The following HCN1 variants were observed in gnomAD, a reference collection of about 807,000 sequenced individuals.
The protein encoded by HCN1 is potassium/sodium hyperpolarization-activated cyclic nucleotide-gated channel 1.
Under a neutral mutation model 78.9 loss-of-function variants are expected in HCN1, and 13 were observed. The ratio of observed to expected loss-of-function variants is 0.16; its 90% CI spans 0.11 to 0.26. The LOEUF (loss-of-function observed/expected upper bound fraction) is 0.26, where lower values mean the gene tolerates loss of function less well. Ranked by LOEUF, HCN1 falls within the 10% of genes least tolerant of loss-of-function variation. The probability of loss-of-function intolerance (pLI) is 1.00; values close to 1 mark genes in which losing one functional copy is unlikely to be tolerated. For synonymous variants in HCN1, 552 were observed against 455.5 expected (o/e 1.21, Z -2.70); for missense variants, 810 against 1,154.3 (o/e 0.70, Z 4.32).
intron 6 of HCN1, among the ~76,000 whole-genome samples, chr5:45,275,205 C>T (rs1327510193): frequency 6.7e-6 from 1 of 150,138 alleles, no homozygotes; most frequent in Non-Finnish European, 1.5e-5. Flanking sequence ...GAGATCGTGC[C>T]ACTGCACTAC....
rs185513672 is a variant in HCN1, at chr5:45,593,096, A to C, written c.849+52089T>G. 1.7e-3 allele frequency among the ~76,000 whole-genome samples: 260 copies of C among 152,238 alleles called. 1 individual carries two copies. Among genetic ancestry groups the C allele is most frequent in the African/African-American group, 6.0e-3 (251 of 41,534 alleles). ...GAAATTACAAATCCCTTCCTCTCTA[A>C]ATCATTTGGGTCACCAAACAAAAAT... On this transcript the variant is annotated intron_variant, in intron 2 of 7. Coordinates refer to ENST00000303230, the MANE Select transcript of HCN1 (RefSeq NM_021072.4).
chr5:45,378,495 A>G (rs1747736187), intron 4 of HCN1, among the ~76,000 whole-genome samples: 1 of 152,022 alleles, frequency 6.6e-6, no homozygotes, highest in Admixed American at 6.6e-5. Flanking sequence ...TATATTCTCT[A>G]CCTCTAACTG....
chr5:45,667,758 T>C (rs780747874), intron 1 of HCN1, among the ~76,000 whole-genome samples: 3 of 151,948 alleles, frequency 2.0e-5, no homozygotes, highest in Non-Finnish European at 2.9e-5. Context: ...TCTCTTGTTA[T>C]GTTTCAACTT....
chr5:45,686,276 G>A (rs534597726), intron 1 of HCN1, among the ~76,000 whole-genome samples: 2 of 151,504 alleles, frequency 1.3e-5, no homozygotes, highest in African/African-American at 4.8e-5. Flanking sequence ...GGATTATAAG[G>A]AGAACATATA....
chr5:45,671,615 C>A (rs927867397), intron 1 of HCN1, among the ~76,000 whole-genome samples: 1 of 150,968 alleles, frequency 6.6e-6, no homozygotes, highest in African/African-American at 2.4e-5. Flanking sequence ...GACTAGCAGT[C>A]CTTTGATGAT....
chr5:45,660,447 A>AT (rs1745906438), intron 1 of HCN1, among the ~76,000 whole-genome samples: 2 of 139,286 alleles, frequency 1.4e-5, no homozygotes, highest in Non-Finnish European at 1.5e-5. Flanking sequence ...AAATTCACAC[A>AT]TAACAATATT....
At chr5:45,458,316 G>A (rs947378166) in intron 3 of HCN1, among the ~76,000 whole-genome samples, 7 of 151,800 alleles carry the variant, frequency 4.6e-5, no homozygotes, top group African/African-American at 1.7e-4. Flanking sequence ...CAATGAAGAA[G>A]AATAAACATA....
chr5:45,464,839 A>C (rs1000141019), intron 2 of HCN1, among the ~76,000 whole-genome samples: 2 of 152,138 alleles, frequency 1.3e-5, no homozygotes, highest in Non-Finnish European at 2.9e-5. Flanking sequence ...TTGGAATGAG[A>C]AGGCTACTTC....
At chr5:45,424,372 G>A (rs992408983) in intron 3 of HCN1, among the ~76,000 whole-genome samples, 9 of 151,848 alleles carry the variant, frequency 5.9e-5, no homozygotes, top group Admixed American at 3.3e-4. Context: ...CCTAAGAATC[G>A]TGTCAACATA....
chr5:45,569,739 T>C (rs1743786039), intron 2 of HCN1, among the ~76,000 whole-genome samples: 1 of 152,080 alleles, frequency 6.6e-6, no homozygotes, highest in Non-Finnish European at 1.5e-5. Context: ...AAAGTCTTAA[T>C]ATAGTTTAAA....
intron 4 of HCN1, among the ~76,000 whole-genome samples, chr5:45,379,134 A>C (rs1483989356): frequency 1.3e-5 from 2 of 152,062 alleles, no homozygotes; most frequent in African/African-American, 4.8e-5. Context: ...TGGGTATATA[A>C]CCAATAATGG....
chr5:45,474,206 C>A (rs1741467865), intron 2 of HCN1, among the ~76,000 whole-genome samples: 1 of 151,818 alleles, frequency 6.6e-6, no homozygotes, highest in South Asian at 2.1e-4. Flanking sequence ...CTAAAACCCA[C>A]AATCAAGTCA....
At chr5:45,483,967 G>A (rs1256841741) in intron 2 of HCN1, among the ~76,000 whole-genome samples, 1 of 152,038 alleles carries the variant, frequency 6.6e-6, no homozygotes, top group Admixed American at 6.6e-5. Context: ...ATTCTGTTCT[G>A]TTGGTCTATG....
At chr5:45,585,968 G>A (rs1434945218) in intron 2 of HCN1, among the ~76,000 whole-genome samples, 1 of 152,190 alleles carries the variant, frequency 6.6e-6, no homozygotes, top group Non-Finnish European at 1.5e-5. Flanking sequence ...GCTACTCGGG[G>A]GTCAGGGACC....
At chr5:45,504,105 C>A (rs552022458) in intron 2 of HCN1, among the ~76,000 whole-genome samples, 2 of 152,010 alleles carry the variant, frequency 1.3e-5, no homozygotes, top group African/African-American at 4.8e-5. Context: ...TATTATTCTT[C>A]TTCTTATTAT....
intron 2 of HCN1, among the ~76,000 whole-genome samples, chr5:45,502,145 T>A (rs894757480): frequency 1.3e-5 from 2 of 151,952 alleles, no homozygotes; most frequent in African/African-American, 4.8e-5. Context: ...AGAAAAGAAT[T>A]TTATGACATC....
intron 4 of HCN1, among the ~76,000 whole-genome samples, chr5:45,384,597 A>G (rs1396392913): frequency 6.6e-6 from 1 of 152,154 alleles, no homozygotes; most frequent in African/African-American, 2.4e-5. Flanking sequence ...TGTTCATCAA[A>G]TGTTTGATCT....
At chr5:45,353,480 G>T (rs931893685) in intron 4 of HCN1, among the ~76,000 whole-genome samples, 4 of 151,984 alleles carry the variant, frequency 2.6e-5, no homozygotes, top group African/African-American at 7.2e-5. Flanking sequence ...AGATATCGTG[G>T]AGAGGAGGCA....
At chr5:45,276,932 T>C (rs916961147) in intron 6 of HCN1, among the ~76,000 whole-genome samples, 1 of 152,018 alleles carries the variant, frequency 6.6e-6, no homozygotes, top group African/African-American at 2.4e-5. Flanking sequence ...AGTATCATGA[T>C]ACAGGTTCAA....
Sources: allele counts gnomAD v4.1 joint callset (sites outside exome capture counted in the v4.1 genomes callset), GRCh38; gene constraint gnomAD v4.1.1; transcripts MANE v1.5; gene names NCBI Gene and HGNC (gene_info 2026-07-23, HGNC 2026-07-21).